Variants in NAALADL2 observed in about 807,000 individuals in gnomAD.
NAALADL2 encodes inactive N-acetylated-alpha-linked acidic dipeptidase-like protein 2.
In NAALADL2, 76 loss-of-function variants were observed where a neutral mutation model predicts 87.2. The ratio of observed to expected loss-of-function variants is 0.87; its 90% confidence interval spans 0.72 to 1.05. NAALADL2 has a LOEUF of 1.05. Among genes scored for constraint, NAALADL2 ranks in the 50% least tolerant of loss-of-function variants. The probability of loss-of-function intolerance (pLI) is 0.00; values close to 1 mark genes in which losing one functional copy is unlikely to be tolerated. For missense variants in NAALADL2, 1,089 were observed against 945.8 expected (o/e 1.15, Z -1.99); for synonymous variants, 354 against 331.0 (o/e 1.07, Z -0.75).
intron 2 of NAALADL2, among the ~76,000 whole-genome samples, chr3:174,572,710 A>G (rs767185438): frequency 6.6e-6 from 1 of 152,222 alleles, no homozygotes; most frequent in Non-Finnish European, 1.5e-5. Context: ...ATATAGCACA[A>G]CAACCAATTA....
At chr3:175,472,995 A>C (rs969023958) in intron 9 of NAALADL2, among the ~76,000 whole-genome samples, 3 of 152,088 alleles carry the variant, frequency 2.0e-5, no homozygotes, top group Non-Finnish European at 4.4e-5. Flanking sequence ...GAAATAGAGG[A>C]GGGTTGGTTT....
At chr3:174,823,397 G>T (rs963816014) in intron 3 of NAALADL2, among the ~76,000 whole-genome samples, 1 of 152,048 alleles carries the variant, frequency 6.6e-6, no homozygotes, top group African/African-American at 2.4e-5. Flanking sequence ...TATATTTCTT[G>T]CTGGAGCATG....
intron 2 of NAALADL2, among the ~76,000 whole-genome samples, chr3:174,713,466 T>C (rs1401105048): frequency 2.0e-5 from 3 of 151,560 alleles, no homozygotes; most frequent in Non-Finnish European, 2.9e-5. Context: ...CCAGCACCTG[T>C]TGTTTCCTGA....
intron 10 of NAALADL2, among the ~76,000 whole-genome samples, chr3:175,607,285 GT>G (rs1319068778): frequency 1.3e-5 from 2 of 152,236 alleles, no homozygotes; most frequent in Admixed American, 6.5e-5. Flanking sequence ...CATATTCATT[GT>G]TACATTTTAT....
chr3:175,718,451 G>A, intron 11 of NAALADL2: 1 of 1,582,786 alleles, frequency 6.3e-7, no homozygotes. Flanking sequence ...TGGGTATTTA[G>A]GTCCACATTC....
chr3:174,566,635 T>C (rs1714302096), intron 2 of NAALADL2, among the ~76,000 whole-genome samples: 1 of 151,830 alleles, frequency 6.6e-6, no homozygotes, highest in African/African-American at 2.4e-5. Context: ...TTTATGTCTT[T>C]AATTTTTTCC....
At chr3:174,936,857 G>A (rs565538130) in intron 1 of NAALADL2, among the ~76,000 whole-genome samples, 2 of 152,260 alleles carry the variant, frequency 1.3e-5, no homozygotes, top group African/African-American at 2.4e-5. Context: ...AGAGTTTGCA[G>A]AGGGACATAA....
At chr3:174,985,704 A>G (rs1377417323) in intron 1 of NAALADL2, among the ~76,000 whole-genome samples, 1 of 152,106 alleles carries the variant, frequency 6.6e-6, no homozygotes, top group Non-Finnish European at 1.5e-5. Flanking sequence ...TGTAATCCCA[A>G]CACTTTGGGA....
At chr3:175,017,017 T>TCCATCTAC (rs146185644) in intron 1 of NAALADL2, among the ~76,000 whole-genome samples, 5,213 of 152,152 alleles carry the variant, frequency 0.034, 232 homozygotes, top group African/African-American at 0.11. Context: ...TCTCATTTCT[T>TCCATCTAC]CCATCTACCT....
chr3:174,845,680 G>A (rs528217173), intron 3 of NAALADL2, among the ~76,000 whole-genome samples: 9 of 152,312 alleles, frequency 5.9e-5, no homozygotes, highest in African/African-American at 1.9e-4. Flanking sequence ...AGGTTGTTGA[G>A]CCAGGGGTGG....
intron 4 of NAALADL2, among the ~76,000 whole-genome samples, chr3:175,273,667 A>T (rs1202520900): frequency 6.6e-6 from 1 of 152,104 alleles, no homozygotes; most frequent in Non-Finnish European, 1.5e-5. Context: ...ATGACAATTT[A>T]TTCTCTTTTA....
chr3:175,392,128 C>T (rs1429659192), intron 5 of NAALADL2, among the ~76,000 whole-genome samples: 3 of 152,184 alleles, frequency 2.0e-5, no homozygotes, highest in African/African-American at 7.2e-5. Context: ...GACATGATTT[C>T]AGCCTTCATG....
At chr3:175,137,607 CTTT>C (rs66682761) in intron 2 of NAALADL2, among the ~76,000 whole-genome samples, 130 of 134,420 alleles carry the variant, frequency 9.7e-4, no homozygotes, top group Middle Eastern at 3.8e-3. Flanking sequence ...GAGATTGACC[CTTT>C]TTTTTTTTTT....
At chr3:175,266,715 A>C (rs1422075208) in intron 4 of NAALADL2, among the ~76,000 whole-genome samples, 3 of 151,818 alleles carry the variant, frequency 2.0e-5, no homozygotes, top group African/African-American at 7.2e-5. Flanking sequence ...ATAGAATGAA[A>C]TTCAGAAATA....
At chr3:175,352,730 G>C (rs111914608) in intron 5 of NAALADL2, among the ~76,000 whole-genome samples, 244 of 152,302 alleles carry the variant, frequency 1.6e-3, no homozygotes, top group African/African-American at 4.4e-3. Context: ...ACAGCAGCTT[G>C]AAGCAATGGG....
At chr3:175,621,270 G>C (rs1726198615) in intron 10 of NAALADL2, among the ~76,000 whole-genome samples, 1 of 152,306 alleles carries the variant, frequency 6.6e-6, no homozygotes, top group South Asian at 2.1e-4. Flanking sequence ...CCTCCTAAGA[G>C]AGGGAGAGAA....
chr3:174,728,725 A>T (rs1214256732), intron 2 of NAALADL2, among the ~76,000 whole-genome samples: 2 of 152,070 alleles, frequency 1.3e-5, no homozygotes, highest in African/African-American at 2.4e-5. Flanking sequence ...ATCATACTGG[A>T]GCTGGGACTG....
intron 1 of NAALADL2, among the ~76,000 whole-genome samples, chr3:175,054,881 T>C (rs73038459): frequency 0.1 from 15,420 of 152,210 alleles, 1,765 homozygotes; most frequent in African/African-American, 0.29. Context: ...TAAATCTCCC[T>C]CATAAACTTA....
At chr3:174,749,089 C>T (rs1560192922) in intron 3 of NAALADL2, among the ~76,000 whole-genome samples, 1 of 152,084 alleles carries the variant, frequency 6.6e-6, no homozygotes, top group South Asian at 2.1e-4. Flanking sequence ...ATTTAATCTC[C>T]CTATATGCTT....
Sources: allele counts gnomAD v4.1 joint callset (sites outside exome capture counted in the v4.1 genomes callset), GRCh38; gene constraint gnomAD v4.1.1; transcripts MANE v1.5; gene names NCBI Gene and HGNC (gene_info 2026-07-23, HGNC 2026-07-21).